TNRC6C: variants seen among roughly 807,000 people sequenced by gnomAD.
TNRC6C encodes trinucleotide repeat containing adaptor 6C, also known as trinucleotide repeat-containing gene 6C protein.
TNRC6C carries 20 observed loss-of-function variants against 153.7 expected under a neutral mutation model. The ratio of observed to expected loss-of-function variants is 0.13; its 90% CI spans 0.09 to 0.19. TNRC6C has a LOEUF of 0.19. TNRC6C is among the 10% of genes least tolerant of loss of function. The probability of loss-of-function intolerance (pLI) is 1.00; values close to 1 mark genes in which losing one functional copy is unlikely to be tolerated. For missense variants in TNRC6C, 1,987 were observed against 2,172.0 expected (o/e 0.91, Z 1.69); for synonymous variants, 811 against 841.4 (o/e 0.96, Z 0.63).
rs1258957375 is a variant in TNRC6C, at chr17:78,075,937, C to T, written c.3060+659C>T. 6.6e-6 allele frequency among the ~76,000 whole-genome samples: 1 copy of T among 152,000 alleles called. No homozygotes were observed. Among genetic ancestry groups the T allele is most frequent in the Admixed American group, 6.6e-5 (1 of 15,260 alleles). On this transcript the variant is annotated intron_variant, in intron 8 of 19. Transcript: ENST00000301624. This position sits in a 1 kb window ranked among gnomAD's most constrained non-coding sequence, Gnocchi z 4.2. The stretch of plus-strand genomic sequence containing the variant: ...AAAAAAGATCAACAATGGAAGGAGG[C>T]TGGGTGCGGTGGCTCACTCCTGTAA...
At chr17:77,974,850 A>G (rs2144079247) in intron 1 of TNRC6C, among the ~76,000 whole-genome samples, 1 of 152,382 alleles carries the variant, frequency 6.6e-6, no homozygotes, top group Non-Finnish European at 1.5e-5. Flanking sequence ...CTAAAGAGGC[A>G]GTGTGACTTG....
chr17:78,098,744 C>T (rs1194857016), intron 17 of TNRC6C, among the ~76,000 whole-genome samples: 4 of 152,116 alleles, frequency 2.6e-5, no homozygotes, highest in African/African-American at 7.2e-5. Context: ...CTAGGTGTGC[C>T]GGCACGCAGC....
intron 2 of TNRC6C, among the ~76,000 whole-genome samples, chr17:78,038,902 C>T (rs1352119520): frequency 2.0e-5 from 3 of 150,222 alleles, no homozygotes; most frequent in Non-Finnish European, 4.4e-5. Context: ...CCTGTAATCA[C>T]CGCAGGCGAC....
intron 17 of TNRC6C, among the ~76,000 whole-genome samples, chr17:78,098,761 G>A (rs1340788031): frequency 1.3e-5 from 2 of 152,166 alleles, no homozygotes; most frequent in Non-Finnish European, 2.9e-5. Context: ...CAGCAGGTTT[G>A]CTCTGGGCCA....
At chr17:78,021,375 C>G (rs1032085828) in intron 1 of TNRC6C, among the ~76,000 whole-genome samples, 4 of 152,204 alleles carry the variant, frequency 2.6e-5, no homozygotes, top group Non-Finnish European at 5.9e-5. Flanking sequence ...TGCTTGTGCT[C>G]GTTCACTGGT....
In TNRC6C at chr17:78,104,746, G is replaced by C; in HGVS notation, c.4974G>C (p.Leu1658=). ...GGGTGCCCCAGTACTCCAGCAGCCT[G>C]TGGGGCCCGCCCAGCGCCGACGACA... The change falls in exon 20 of 20, where the codon CTG becomes CTC. Residue 1658 remains leucine (L), a synonymous_variant. Transcript: ENST00000301624. The surrounding 1 kb of genome is among the most constrained non-coding windows in gnomAD (Gnocchi z 6.2). 2.6e-6 allele frequency: 4 copies of C among 1,509,836 alleles called. No individual in the cohort carries two copies. In the South Asian group the frequency reaches 5.0e-5, roughly 19 times the overall value. The allele number at this position is 1,509,836 out of a possible 1,614,324, so 93.5% of individuals were successfully genotyped here.
At chr17:78,087,673 T>G (rs1206103653) in intron 13 of TNRC6C, among the ~76,000 whole-genome samples, 1 of 152,162 alleles carries the variant, frequency 6.6e-6, no homozygotes, top group Non-Finnish European at 1.5e-5. Context: ...AGTATTCAGA[T>G]TTACATTAAA....
chr17:78,073,148 T>G lies in TNRC6C; in HGVS notation c.2917+54T>G, dbSNP rs112414610. 547 of 1,444,402 alleles carry G rather than the reference T, an allele frequency of 3.8e-4. 3 individuals are homozygous for G. In the African/African-American group the frequency reaches 5.1e-3, roughly 13 times the overall value. 89.5% of individuals were successfully genotyped at this position (1,444,402 alleles called of 1,614,324 possible). On this transcript the variant is annotated intron_variant, in intron 7 of 19. Transcript: ENST00000301624. ...GGTACCCAGCTGTGAAGTTTTACTTTCCAGAAGCATTTGATTGTAGTCATG... is the reference window on the plus strand; with the variant it reads ...GGTACCCAGCTGTGAAGTTTTACTTGCCAGAAGCATTTGATTGTAGTCATG...
At chr17:78,010,031 G>T (rs375803213) in intron 1 of TNRC6C, among the ~76,000 whole-genome samples, 1 of 151,910 alleles carries the variant, frequency 6.6e-6, no homozygotes, top group African/African-American at 2.4e-5. Flanking sequence ...ACAGGTGCAT[G>T]CCACAGTGCC....
chr17:78,019,183 CAGAG>C (rs1368543060), intron 1 of TNRC6C, among the ~76,000 whole-genome samples: 1 of 152,120 alleles, frequency 6.6e-6, no homozygotes, highest in African/African-American at 2.4e-5. Flanking sequence ...AGGAAAGAAG[CAGAG>C]AGAATGGGGT....
intron 1 of TNRC6C, among the ~76,000 whole-genome samples, chr17:77,989,206 C>CAG (rs1567903186): frequency 4.6e-5 from 7 of 152,182 alleles, no homozygotes; most frequent in Non-Finnish European, 8.8e-5. Context: ...TCGAGTTGGG[C>CAG]ACAATGGCAT....
At chr17:78,086,459 A>G in intron 11 of TNRC6C, 44 bp from the exon 14 acceptor site, 1 of 1,563,380 alleles carries the variant, frequency 6.4e-7, no homozygotes, top group South Asian at 1.1e-5. Context: ...AGTTCAACTT[A>G]CACTTAATTA....
At chr17:78,033,497 C>T (rs2072114045) in intron 2 of TNRC6C, among the ~76,000 whole-genome samples, 1 of 152,178 alleles carries the variant, frequency 6.6e-6, no homozygotes, top group South Asian at 2.1e-4. Flanking sequence ...TGGAGAAACC[C>T]AGTCTGTACT....
chr17:78,067,844 T>G, exon 5 of TNRC6C: 2 of 1,613,896 alleles, frequency 1.2e-6, no homozygotes, highest in Non-Finnish European at 1.7e-6. Flanking sequence ...GAAGGGGACG[T>G]GTGGAATAAT....
At chr17:78,065,194 A>T (rs1005006390) in intron 4 of TNRC6C, among the ~76,000 whole-genome samples, 38 of 151,958 alleles carry the variant, frequency 2.5e-4, no homozygotes, top group African/African-American at 8.9e-4. Context: ...ACAAAAAAAA[A>T]TTGAAAAATT....
intron 1 of TNRC6C, among the ~76,000 whole-genome samples, chr17:77,988,971 T>A (rs2071211658): frequency 6.6e-6 from 1 of 152,212 alleles, no homozygotes; most frequent in South Asian, 2.1e-4. Flanking sequence ...AGTACACTCT[T>A]AATAAGTATG....
intron 4 of TNRC6C, chr17:78,066,739 C>G (rs1029052209): frequency 6.6e-6 from 1 of 152,200 alleles, no homozygotes; most frequent in Non-Finnish European, 1.5e-5. Context: ...CACTTTGTAG[C>G]TCCATCTGCC....
chr17:78,083,241 T>C, intron 11 of TNRC6C, 75 bp downstream of exon 13: 5 of 1,589,092 alleles, frequency 3.1e-6, no homozygotes, highest in Non-Finnish European at 4.3e-6. Context: ...AGAGCAGCAG[T>C]TGTGATAATG....
At chr17:77,962,824 C>T (rs945173244) in intron 1 of TNRC6C, among the ~76,000 whole-genome samples, 1 of 152,208 alleles carries the variant, frequency 6.6e-6, no homozygotes, top group Admixed American at 6.5e-5. Flanking sequence ...GTTGGTGACA[C>T]AGTCTTTGGT....
Sources: gnomAD v4.1 joint callset for allele counts (sites outside exome capture counted in the v4.1 genomes callset) on GRCh38, gnomAD v4.1.1 for gene constraint, Gnocchi (gnomAD v3.1) non-coding constraint, MANE v1.5 for transcripts, NCBI Gene and HGNC (gene_info 2026-07-23, HGNC 2026-07-21) for gene names.